The following DOC2B variants were observed in gnomAD, a reference collection of about 807,000 sequenced individuals.
DOC2B encodes double C2 domain beta.
DOC2B carries 21 observed loss-of-function variants against 28.9 expected under a neutral mutation model. That is an observed-to-expected ratio of 0.73 (90% CI 0.52 to 1.05). The LOEUF is 1.05. Ranked by LOEUF, DOC2B falls within the 50% of genes least tolerant of loss-of-function variation. The pLI, the probability that DOC2B is intolerant of heterozygous loss-of-function variation, is 0.00. For synonymous variants in DOC2B, 194 were observed against 178.1 expected (o/e 1.09, Z -0.71); for missense variants, 384 against 421.1 (o/e 0.91, Z 0.77).
chr17:158,103 G>T (rs2040156707), intron 5 of DOC2B, among the ~76,000 whole-genome samples: 1 of 152,144 alleles, frequency 6.6e-6, no homozygotes, highest in South Asian at 2.1e-4. Context: ...TGCCTTCCCT[G>T]CCTCAGCAGC....
intron 5 of DOC2B, 91 bp downstream of exon 5, chr17:161,324 C>T (rs1240398040): frequency 1.5e-6 from 2 of 1,353,046 alleles, no homozygotes; most frequent in Non-Finnish European, 2.1e-6. Context: ...CACTCTGCCC[C>T]TCATGAGTCC....
rs2040324514 is a variant in DOC2B, at chr17:172,564, G to A, written c.426C>T (p.Ala142=). ...FSLLYDQENN[A]LHCTITKAKG... is the part of the protein sequence containing the mutation. ...TGGCCTTGGTGATGGTGCAGTGGAG[G>A]GCGTTGTTCTCCTGGTCATACAGCA... Residue 142 remains alanine, a synonymous_variant, in exon 2 of 9, where the codon GCC becomes GCT. Coordinates refer to ENST00000613549, the MANE Select transcript of DOC2B (RefSeq NM_003585.5). 6.4e-7 allele frequency: 1 copy of A among 1,551,190 alleles called. No individual in the cohort carries two copies. The highest frequency in any genetic ancestry group is 8.7e-7 in the Non-Finnish European group (1 of 1,146,702).
At chr17:170,296 G>T (rs2040297232) in intron 2 of DOC2B, among the ~76,000 whole-genome samples, 1 of 152,208 alleles carries the variant, frequency 6.6e-6, no homozygotes, top group Admixed American at 6.5e-5. Context: ...GGGCAGGGGT[G>T]GGATGGAGCG....
At chr17:174,390 G>C (rs1030542857) in intron 1 of DOC2B, among the ~76,000 whole-genome samples, 1 of 152,168 alleles carries the variant, frequency 6.6e-6, no homozygotes, top group Non-Finnish European at 1.5e-5. Context: ...GTGCTCAGTA[G>C]ATCATTATAG....
Position 181,419 on chromosome 17 carries a change from C to T in DOC2B, c.61G>A (p.Asp21Asn). ...GGACGGATGGGGCCGGGGCACACGT[C>T]GATGGCCATATGCTCCTGGATGCTG... is the stretch of plus-strand genomic sequence containing the variant. ...TISIQEHMAI[D>N]VCPGPIRPIK... is the part of the protein sequence containing the mutation. The change falls in exon 1 of 9, where the codon GAC becomes AAC. Residue 21 changes from aspartate to asparagine, a missense_variant. Asp to Asn is a conservative substitution (Grantham distance 23, BLOSUM62 1). Transcript: ENST00000613549. This position sits in a 1 kb window ranked among gnomAD's most constrained non-coding sequence, Gnocchi z 7.0. The T allele has an allele frequency of 8.4e-7, 1 of 1,187,334 alleles. No homozygotes were observed. The highest frequency in any genetic ancestry group is 1.1e-6 in the Non-Finnish European group (1 of 945,486). 73.5% of individuals were successfully genotyped at this position (1,187,334 alleles called of 1,614,324 possible).
intron 2 of DOC2B, among the ~76,000 whole-genome samples, chr17:164,612 C>T (rs1317199541): frequency 6.6e-6 from 1 of 152,138 alleles, no homozygotes; most frequent in African/African-American, 2.4e-5. Context: ...CCACATAACC[C>T]CGGGACACAG....
intron 5 of DOC2B, among the ~76,000 whole-genome samples, chr17:157,798 G>T (rs972934935): frequency 6.6e-6 from 1 of 152,206 alleles, no homozygotes; most frequent in African/African-American, 2.4e-5. Context: ...GGCACTAAGG[G>T]CCCACTGGAG....
chr17:181,455 T>A lies in DOC2B; in HGVS notation c.25A>T (p.Lys9Ter). 8.8e-7 allele frequency: 1 copy of A among 1,137,178 alleles called. No homozygotes were observed. The highest frequency in any genetic ancestry group is 2.4e-5 in the South Asian group (1 of 42,280). The allele number at this position is 1,137,178 out of a possible 1,614,324, so 70.4% of individuals were successfully genotyped here. MTLRRRGE[K>*]ATISIQEHMA... ...TGCTCCTGGATGCTGATGGTCGCCT[T>A]CTCCCCGCGCCGCCGGAGGGTCATG... Residue 9 changes from lysine (K) to a stop codon, truncating the protein, a stop_gained, in exon 1 of 9, where the codon AAG becomes TAG. Coordinates refer to ENST00000613549, the MANE Select transcript of DOC2B (RefSeq NM_003585.5). LOFTEE classifies it high-confidence loss of function. The surrounding 1 kb of genome is among the most constrained non-coding windows in gnomAD (Gnocchi z 7.0).
At chr17:149,313 C>A in intron 6 of DOC2B, 121 bp from the exon 7 acceptor site, 1 of 397,840 alleles carries the variant, frequency 2.5e-6, no homozygotes, top group South Asian at 1.3e-4. Context: ...CTTCTTTTGT[C>A]CTAATCATTG....
Position 161,551 on chromosome 17 carries a change from G to T in DOC2B, c.639-10C>A. ...GTCACACACAGAGATCCTAGAGGGGGCGGTGGTGAGGGGCACAGCCAGTGC... is the reference window on the plus strand; with the variant it reads ...GTCACACACAGAGATCCTAGAGGGGTCGGTGGTGAGGGGCACAGCCAGTGC... On this transcript the variant is annotated splice_polypyrimidine_tract_variant and intron_variant, in intron 4 of 8. Transcript: ENST00000613549. 1 of 1,551,570 alleles carries T rather than the reference G, an allele frequency of 6.4e-7. No individual in the cohort carries two copies. The highest frequency in any genetic ancestry group is 8.7e-7 in the Non-Finnish European group (1 of 1,146,958).
In DOC2B at chr17:166,461, G is replaced by A. The variant is rs180701844; in HGVS notation, c.454-2257C>T. On this transcript the variant is annotated intron_variant, in intron 2 of 8. Coordinates refer to ENST00000613549, the MANE Select transcript of DOC2B (RefSeq NM_003585.5). Reference sequence around the variant, plus strand: ...ACATAAACTGATCCCATGGTTTAGGGGTGGGCCTCACGGGAGGTGACGTGG... The same window carrying A: ...ACATAAACTGATCCCATGGTTTAGGAGTGGGCCTCACGGGAGGTGACGTGG... Among the ~76,000 whole-genome samples the A allele has an allele frequency of 3.1e-3, 472 of 152,362 alleles. 1 individual carries two copies. The highest frequency in any genetic ancestry group is 4.7e-3 in the Non-Finnish European group (320 of 68,038).
At chr17:160,203 C>T (rs1555523051) in intron 5 of DOC2B, among the ~76,000 whole-genome samples, 1 of 152,102 alleles carries the variant, frequency 6.6e-6, no homozygotes, top group African/African-American at 2.4e-5. Context: ...CAGGCTCTCT[C>T]GAACTCTTGA....
intron 6 of DOC2B, chr17:155,985 C>T (rs912383403): frequency 3.9e-4 from 216 of 549,458 alleles, no homozygotes; most frequent in Non-Finnish European, 6.1e-4. Flanking sequence ...ATAACTAATA[C>T]CTGCATGACC....
chr17:156,810 C>T (rs2040141320), intron 5 of DOC2B, among the ~76,000 whole-genome samples: 2 of 152,238 alleles, frequency 1.3e-5, no homozygotes, highest in South Asian at 4.1e-4. Flanking sequence ...AACTCCTGGG[C>T]TCAAGGGATC....
At chr17:155,096 C>T (rs532348806) in intron 6 of DOC2B, among the ~76,000 whole-genome samples, 1 of 152,216 alleles carries the variant, frequency 6.6e-6, no homozygotes, top group African/African-American at 2.4e-5. Context: ...TCTCAAATTC[C>T]TGGGTTCAAG....
chr17:164,562 G>A (rs943890560), intron 2 of DOC2B, among the ~76,000 whole-genome samples: 6 of 152,062 alleles, frequency 3.9e-5, no homozygotes, highest in African/African-American at 1.5e-4. Context: ...TCTACCAAGC[G>A]TGGCCTCCTG....
chr17:156,296 G>A lies in DOC2B; in HGVS notation c.847C>T (p.Leu283=). ...GCGCACCGCACGATGCCTACCAGCA[G>A]GCCTTGCTTCTGTGAGCTGTACTTG... ...SLKYSSQKQG[L]LVGIVRCAHL... The change falls in exon 6 of 9, where the codon CTG becomes TTG. Residue 283 remains leucine (L), a synonymous_variant. Coordinates refer to ENST00000613549, the MANE Select transcript of DOC2B (RefSeq NM_003585.5). 1 of 1,551,690 alleles carries A rather than the reference G, an allele frequency of 6.4e-7. No individual in the cohort carries two copies. Among genetic ancestry groups the A allele is most frequent in the Non-Finnish European group, 8.7e-7 (1 of 1,147,004 alleles).
chr17:176,393 C>G (rs532352200), intron 1 of DOC2B, among the ~76,000 whole-genome samples: 4,095 of 64,954 alleles, frequency 0.063, 188 homozygotes, highest in African/African-American at 0.17. Flanking sequence ...GGTGTTGGTG[C>G]GGGGGGTGCG....
intron 6 of DOC2B, among the ~76,000 whole-genome samples, chr17:154,930 T>C (rs951209309): frequency 1.2e-4 from 18 of 152,116 alleles, no homozygotes; most frequent in African/African-American, 3.9e-4. Flanking sequence ...GGTTTCCCCA[T>C]ATTGGCCAAG....
Sources: allele counts gnomAD v4.1 joint callset (sites outside exome capture counted in the v4.1 genomes callset), GRCh38; gene constraint gnomAD v4.1.1; non-coding constraint Gnocchi (gnomAD v3.1); transcripts MANE v1.5; gene names NCBI Gene and HGNC (gene_info 2026-07-23, HGNC 2026-07-21).